Variants in MARCHF1 observed in about 807,000 individuals in gnomAD.
MARCHF1 encodes the protein E3 ubiquitin-protein ligase MARCHF1.
In MARCHF1, 40 loss-of-function variants were observed where a neutral mutation model predicts 54.2. That is an observed-to-expected ratio of 0.74 (90% confidence interval 0.57 to 0.96). The LOEUF is 0.96. Among genes scored for constraint, MARCHF1 ranks in the 40% least tolerant of loss-of-function variants. The pLI, the probability that MARCHF1 is intolerant of heterozygous loss-of-function variation, is 0.00. For missense variants in MARCHF1, 586 were observed against 656.5 expected (o/e 0.89, Z 1.17); for synonymous variants, 236 against 236.3 (o/e 1.00, Z 0.01).
intron 1 of MARCHF1, among the ~76,000 whole-genome samples, chr4:164,290,603 C>T (rs545391113): frequency 1.3e-5 from 2 of 151,998 alleles, no homozygotes; most frequent in African/African-American, 4.8e-5. Context: ...TTACCTAATT[C>T]ATTTTTGCTA....
intron 2 of MARCHF1, among the ~76,000 whole-genome samples, chr4:164,022,528 C>G (rs927958168): frequency 2.0e-5 from 3 of 152,098 alleles, no homozygotes; most frequent in Non-Finnish European, 2.9e-5. Context: ...GGATGGACAG[C>G]CCATTCTTGC....
At chr4:163,742,981 T>TA (rs768010035) in intron 4 of MARCHF1, among the ~76,000 whole-genome samples, 110 of 152,318 alleles carry the variant, frequency 7.2e-4, no homozygotes, top group South Asian at 1.4e-3. Flanking sequence ...TGGTTGAAAC[T>TA]AAAAAATTGA....
At chr4:164,047,250 GAAAAAAGGCACTTCAAGA>G (rs1038325016) in intron 2 of MARCHF1, among the ~76,000 whole-genome samples, 4 of 151,730 alleles carry the variant, frequency 2.6e-5, no homozygotes, top group African/African-American at 9.7e-5. Flanking sequence ...GGCACTTCAA[GAAAAAAGGCACTTCAAGA>G]AAAAAGGCAC....
intron 1 of MARCHF1, among the ~76,000 whole-genome samples, chr4:164,316,820 C>T (rs1164528111): frequency 6.6e-6 from 1 of 152,074 alleles, no homozygotes; most frequent in Non-Finnish European, 1.5e-5. Context: ...AGTGAGTTCT[C>T]ACATGATCTG....
chr4:163,893,964 T>C (rs1366570471), intron 3 of MARCHF1, among the ~76,000 whole-genome samples: 1 of 152,086 alleles, frequency 6.6e-6, no homozygotes, highest in Non-Finnish European at 1.5e-5. Context: ...ACTGGTGAAA[T>C]AGCATAGGAA....
intron 5 of MARCHF1, among the ~76,000 whole-genome samples, chr4:163,682,879 A>G (rs1204790801): frequency 6.6e-6 from 1 of 152,176 alleles, no homozygotes; most frequent in Non-Finnish European, 1.5e-5. Context: ...TTTCCTTTAT[A>G]AATTACTCAG....
At chr4:164,092,952 A>G (rs1755335533) in intron 2 of MARCHF1, among the ~76,000 whole-genome samples, 1 of 152,168 alleles carries the variant, frequency 6.6e-6, no homozygotes, top group African/African-American at 2.4e-5. Context: ...ATAGAAGACC[A>G]CAGAATTTAA....
chr4:163,574,630 T>C (rs1312645762), intron 8 of MARCHF1, among the ~76,000 whole-genome samples: 1 of 150,352 alleles, frequency 6.7e-6, no homozygotes, highest in East Asian at 2.0e-4. Context: ...GTTGTAGATA[T>C]GCGGTGTTAT....
intron 1 of MARCHF1, among the ~76,000 whole-genome samples, chr4:164,260,754 A>G (rs1325845558): frequency 6.6e-6 from 1 of 152,240 alleles, no homozygotes; most frequent in Non-Finnish European, 1.5e-5. Context: ...TATGTGTAGG[A>G]GTAAAAAGCA....
chr4:164,012,282 G>A (rs960504511), intron 2 of MARCHF1, among the ~76,000 whole-genome samples: 14 of 152,066 alleles, frequency 9.2e-5, no homozygotes, highest in African/African-American at 3.4e-4. Context: ...TGTAGCCTCA[G>A]TAAAGATTCC....
chr4:163,966,822 G>T (rs1166715238), intron 3 of MARCHF1, among the ~76,000 whole-genome samples: 2 of 152,066 alleles, frequency 1.3e-5, no homozygotes, highest in African/African-American at 4.8e-5. Flanking sequence ...AGCTCCAGCA[G>T]GAAAGTCACA....
intron 1 of MARCHF1, among the ~76,000 whole-genome samples, chr4:164,144,369 T>C (rs540342745): frequency 1.3e-5 from 2 of 151,254 alleles, no homozygotes; most frequent in East Asian, 3.9e-4. Flanking sequence ...AGAATATATA[T>C]TTTTTTCAGC....
chr4:164,382,857 G>A (rs1338522057), intron 1 of MARCHF1, among the ~76,000 whole-genome samples: 1 of 152,152 alleles, frequency 6.6e-6, no homozygotes, highest in Non-Finnish European at 1.5e-5. Flanking sequence ...CAAACCCACA[G>A]AGCTCTATAA....
chr4:163,959,342 A>C (rs998329573), intron 3 of MARCHF1, among the ~76,000 whole-genome samples: 9 of 150,776 alleles, frequency 6.0e-5, no homozygotes, highest in Admixed American at 2.0e-4. Context: ...AAAAAAAAAA[A>C]CAACAAAAAA....
At chr4:163,997,835 A>G (rs958718019) in intron 2 of MARCHF1, among the ~76,000 whole-genome samples, 29 of 151,584 alleles carry the variant, frequency 1.9e-4, no homozygotes, top group East Asian at 3.9e-4. Flanking sequence ...CAGCTTGTGG[A>G]AAAAAAAGTA....
chr4:164,040,642 C>A lies in MARCHF1; in HGVS notation c.-247-51933G>T, dbSNP rs542311111. On this transcript the variant is annotated intron_variant, in intron 2 of 9. Transcript: ENST00000514618. ...GCATGCAGGATAAATATATTTTAAA[C>A]GTAAGCAAAGCTTTAGGTTTTGCAG... 8.6e-5 allele frequency among the ~76,000 whole-genome samples: 13 copies of A among 151,668 alleles called. No homozygotes were observed. In the South Asian group the frequency reaches 1.5e-3, roughly 17 times the overall value.
chr4:163,959,645 G>A (rs563264651), intron 3 of MARCHF1, among the ~76,000 whole-genome samples: 6 of 151,708 alleles, frequency 4.0e-5, no homozygotes, highest in Admixed American at 3.3e-4. Context: ...CCTTCCTTAC[G>A]CTATATAAAA....
chr4:164,358,143 A>T (rs1230828218), intron 1 of MARCHF1, among the ~76,000 whole-genome samples: 3 of 152,174 alleles, frequency 2.0e-5, no homozygotes, highest in African/African-American at 7.2e-5. Context: ...ACTAGAGCCC[A>T]GGGTGAGTCA....
At position 163,527,666 on chromosome 4, in the gene MARCHF1, G is replaced by A. The variant is rs1738170036; in HGVS notation, c.*1082C>T. The A allele has an allele frequency of 1.3e-5, 2 of 152,066 alleles. No homozygotes were observed. The highest frequency in any genetic ancestry group is 2.1e-4 in the South Asian group (1 of 4,830). 9.4% of individuals were successfully genotyped at this position (152,066 alleles called of 1,614,324 possible). On this transcript the variant is annotated 3_prime_UTR_variant, in exon 10 of 10. Coordinates refer to ENST00000514618, the MANE Select transcript of MARCHF1 (RefSeq NM_001394959.1). ...TTGAAATAAAAGAATGAATTAAACTGTTTTGAAATACTCAACAACTGTTAA... is the reference window on the plus strand; with the variant it reads ...TTGAAATAAAAGAATGAATTAAACTATTTTGAAATACTCAACAACTGTTAA...
Sources: gnomAD v4.1 joint callset for allele counts (sites outside exome capture counted in the v4.1 genomes callset) on GRCh38, gnomAD v4.1.1 for gene constraint, MANE v1.5 for transcripts, NCBI Gene and HGNC (gene_info 2026-07-23, HGNC 2026-07-21) for gene names.